The following TBC1D15 variants were observed in gnomAD, a reference collection of about 807,000 sequenced individuals.
TBC1D15 encodes TBC1 domain family member 15.
Under a neutral mutation model 95.4 loss-of-function variants are expected in TBC1D15, and 39 were observed. The ratio of observed to expected loss-of-function variants is 0.41; its 90% CI spans 0.32 to 0.53. TBC1D15 has a LOEUF of 0.53. Among genes scored for constraint, TBC1D15 ranks in the 20% least tolerant of loss-of-function variants. The pLI is 0.29. For synonymous variants in TBC1D15, 258 were observed against 261.3 expected, an observed-to-expected ratio of 0.99 and a Z score of 0.12; for missense variants, 733 against 794.3, an observed-to-expected ratio of 0.92 and a Z score of 0.93.
chr12:71,921,375 A>T lies in TBC1D15; in HGVS notation c.1724A>T (p.Asn575Ile), dbSNP rs768157566. Residue 575 changes from asparagine to isoleucine, a missense_variant, in exon 16 of 17, where the codon AAT (asparagine) becomes ATT (isoleucine). Asn to Ile is a moderately radical substitution (Grantham distance 149). Coordinates refer to ENST00000485960, the MANE Select transcript of TBC1D15 (RefSeq NM_001146213.3). ...TTTGTTGATACTTTTTAGCATATCAATGAATTGTCCATGAAAATTGATGTG... is the reference window on the plus strand; with the variant it reads ...TTTGTTGATACTTTTTAGCATATCATTGAATTGTCCATGAAAATTGATGTG... ...YGFNEILKHI[N>I]ELSMKIDVED... 6.4e-7 allele frequency: 1 copy of T among 1,557,626 alleles called. No homozygotes were observed. The highest frequency in any genetic ancestry group is 1.2e-5 in the South Asian group (1 of 80,702).
intron 12 of TBC1D15, among the ~76,000 whole-genome samples, chr12:71,917,256 A>C (rs1020507566): frequency 3.9e-5 from 6 of 152,216 alleles, no homozygotes; most frequent in South Asian, 2.1e-4. Context: ...GGCTTTACAG[A>C]TTCTCCAATG....
chr12:71,909,207 G>C (rs1311305016), intron 11 of TBC1D15, among the ~76,000 whole-genome samples: 1 of 152,156 alleles, frequency 6.6e-6, no homozygotes, highest in Non-Finnish European at 1.5e-5. Context: ...GCTTCCTGTG[G>C]ATAACTGGCC....
intron 12 of TBC1D15, among the ~76,000 whole-genome samples, chr12:71,914,222 A>G (rs1417357926): frequency 2.6e-5 from 4 of 152,020 alleles, no homozygotes; most frequent in Admixed American, 6.6e-5. Context: ...GATAAAATAG[A>G]TGAATTCAAT....
intron 14 of TBC1D15, 45 bp downstream of exon 14, chr12:71,918,593 A>C (rs1392391214): frequency 2.4e-6 from 3 of 1,261,836 alleles, no homozygotes; most frequent in Non-Finnish European, 3.4e-6. Context: ...TATTATGAAA[A>C]GAAACAATTT....
At chr12:71,876,201 T>C (rs968577195) in intron 3 of TBC1D15, among the ~76,000 whole-genome samples, 3 of 152,220 alleles carry the variant, frequency 2.0e-5, no homozygotes, top group Non-Finnish European at 4.4e-5. Flanking sequence ...TATCTCACTT[T>C]TCCACCAAAT....
rs1164312523 is a variant in TBC1D15 at position 71,923,905 on chromosome 12, C to T, written c.*701C>T. On this transcript the variant is annotated 3_prime_UTR_variant, in exon 17 of 17. Transcript: ENST00000485960. ...GAATAAACGACTTGATTTATATAAC[C>T]TGGTTTATCAAAATTTAACATGGCT... 1 of 152,390 alleles carries T rather than the reference C, an allele frequency of 6.6e-6. No individual in the cohort carries two copies. The highest frequency in any genetic ancestry group is 6.5e-5 in the Admixed American group (1 of 15,268). 9.4% of individuals were successfully genotyped at this position (152,390 alleles called of 1,614,324 possible). A position where few individuals can be genotyped will look rare whatever the true frequency, so the allele number is the denominator to read the frequency against.
chr12:71,914,753 A>G (rs1903275564), intron 12 of TBC1D15, among the ~76,000 whole-genome samples: 1 of 152,084 alleles, frequency 6.6e-6, no homozygotes, highest in South Asian at 2.1e-4. Flanking sequence ...GAATCTAACC[A>G]TCTGAAATAT....
In TBC1D15 at chr12:71,915,383, T is replaced by A. The variant is rs79049477; in HGVS notation, c.1401+1457T>A. ...GCCTGACATGAGGTTGTTCAACGGG[T>A]TTTTGTAGAATAAACATGTGAATCT... On this transcript the variant is annotated intron_variant, in intron 12 of 16. Transcript: ENST00000485960. Among the ~76,000 whole-genome samples the A allele has an allele frequency of 9.0e-4, 137 of 151,590 alleles. 1 individual carries two copies. The East Asian group carries it at 0.02, about 22-fold the overall frequency.
At position 71,923,161 on chromosome 12, in the gene TBC1D15, A is replaced by G; in HGVS notation, c.1982A>G (p.Gln661Arg). ...ASGARNDSPT[Q>R]IPVSSDVCRL... ...GGAGCCAGAAATGACAGCCCAACACAGATACCAGTGTCCTCAGATGTCTGC... is the reference window on the plus strand; with the variant it reads ...GGAGCCAGAAATGACAGCCCAACACGGATACCAGTGTCCTCAGATGTCTGC... Residue 661 changes from glutamine to arginine, a missense_variant, in exon 17 of 17, where the codon CAG becomes CGG. Coordinates refer to ENST00000485960, the MANE Select transcript of TBC1D15 (RefSeq NM_001146213.3). 1 of 1,614,222 alleles carries G rather than the reference A, an allele frequency of 6.2e-7. No individual in the cohort carries two copies. The highest frequency in any genetic ancestry group is 8.5e-7 in the Non-Finnish European group (1 of 1,180,036).
chr12:71,844,458 C>T (rs1281449648), intron 1 of TBC1D15, among the ~76,000 whole-genome samples: 4 of 152,214 alleles, frequency 2.6e-5, no homozygotes, highest in Non-Finnish European at 5.9e-5. Context: ...TCCTCTGCTT[C>T]CCTATACCCT....
intron 1 of TBC1D15, among the ~76,000 whole-genome samples, chr12:71,853,774 G>A (rs1167618500): frequency 2.0e-5 from 3 of 152,172 alleles, no homozygotes; most frequent in African/African-American, 4.8e-5. Context: ...TTGCTAAATG[G>A]TATCAGCACT....
At chr12:71,883,910 G>A (rs991536546) in intron 4 of TBC1D15, among the ~76,000 whole-genome samples, 4 of 151,992 alleles carry the variant, frequency 2.6e-5, no homozygotes, top group African/African-American at 9.7e-5. Flanking sequence ...AAATTGTTGA[G>A]GTTTAAGTTG....
Position 71,920,867 on chromosome 12 carries a change from A to C in TBC1D15, c.1716+20A>C. The C allele has an allele frequency of 2.6e-6, 4 of 1,560,482 alleles. No individual in the cohort carries two copies. Among genetic ancestry groups the C allele is most frequent in the Non-Finnish European group, 3.5e-6 (4 of 1,137,510 alleles). Reference sequence around the variant, plus strand: ...CTTAAGGTAGTTATTCCTTTAATTCAGATTTTAGTGTTCTGGCTTTTCTAT... The same window carrying C: ...CTTAAGGTAGTTATTCCTTTAATTCCGATTTTAGTGTTCTGGCTTTTCTAT... On this transcript the variant is annotated intron_variant, in intron 15 of 16. Transcript: ENST00000485960.
At position 71,896,686 on chromosome 12, in the gene TBC1D15, C is replaced by T. The variant is rs771122616; in HGVS notation, c.994C>T (p.His332Tyr). The T allele has an allele frequency of 6.2e-7, 1 of 1,612,042 alleles. No individual in the cohort carries two copies. Among genetic ancestry groups the T allele is most frequent in the Admixed American group, 1.7e-5 (1 of 59,868 alleles). ...KQMIFRGGLSHALRKQAWKFL... is the reference protein window; with the variant it reads ...KQMIFRGGLSYALRKQAWKFL... ...TGTATGCTTTCTTCAGGGACTTAGT[C>T]ATGCATTGAGAAAGCAAGCATGGAA... is the stretch of plus-strand genomic sequence containing the variant. Residue 332 changes from histidine to tyrosine, a missense_variant, in exon 9 of 17, where the codon CAT (histidine) becomes TAT (tyrosine). His to Tyr is a moderately conservative substitution (Grantham distance 83, BLOSUM62 2). Coordinates refer to ENST00000485960, the MANE Select transcript of TBC1D15 (RefSeq NM_001146213.3).
chr12:71,887,556 T>C lies in TBC1D15; in HGVS notation c.554+2535T>C, dbSNP rs187957943. ...AGTTCCTAAAACCCCCTAAACTCTTTCTTGTCTTAAGGTCCTTTATGCATA... is the reference window on the plus strand; with the variant it reads ...AGTTCCTAAAACCCCCTAAACTCTTCCTTGTCTTAAGGTCCTTTATGCATA... On this transcript the variant is annotated intron_variant, in intron 5 of 16. Coordinates refer to ENST00000485960, the MANE Select transcript of TBC1D15 (RefSeq NM_001146213.3). 1.2e-3 allele frequency among the ~76,000 whole-genome samples: 187 copies of C among 152,202 alleles called. 1 individual carries two copies. The highest frequency in any genetic ancestry group is 4.3e-3 in the African/African-American group (178 of 41,546).
chr12:71,874,482 G>C (rs1368661872), intron 3 of TBC1D15, among the ~76,000 whole-genome samples: 1 of 151,972 alleles, frequency 6.6e-6, no homozygotes, highest in Non-Finnish European at 1.5e-5. Context: ...GAAGTTTGTG[G>C]AATTTTTTTT....
chr12:71,869,555 C>T (rs1232532719), intron 1 of TBC1D15, among the ~76,000 whole-genome samples: 1 of 151,546 alleles, frequency 6.6e-6, no homozygotes, highest in Non-Finnish European at 1.5e-5. Flanking sequence ...AAACAAAACT[C>T]AAGTACAGAG....
Position 71,872,941 on chromosome 12 carries a change from A to G in TBC1D15, c.142A>G (p.Ile48Val), listed in dbSNP as rs1410559067. Reference sequence around the variant, plus strand: ...TTTCTTTCTCTAGGATGCCGAAGTAATAGTGGACTGGAGACCATTGGATGA... The same window carrying G: ...TTTCTTTCTCTAGGATGCCGAAGTAGTAGTGGACTGGAGACCATTGGATGA... ...LRVLEKDAEV[I>V]VDWRPLDDAL... Residue 48 changes from isoleucine (I) to valine (V), a missense_variant, in exon 3 of 17, where the codon ATA becomes GTA. Physicochemically the swap from Ile to Val is conservative, Grantham distance 29 (BLOSUM62 3). Coordinates refer to ENST00000485960, the MANE Select transcript of TBC1D15 (RefSeq NM_001146213.3). The G allele has an allele frequency of 8.1e-6, 13 of 1,607,058 alleles. No individual in the cohort carries two copies. The highest frequency in any genetic ancestry group is 1.1e-5 in the South Asian group (1 of 89,798).
At chr12:71,896,369 C>T in intron 8 of TBC1D15, 1 of 425,418 alleles carries the variant, frequency 2.4e-6, no homozygotes, top group East Asian at 3.9e-5. Flanking sequence ...TGAAGGAGGC[C>T]TGCATTCCAG....
Sources: allele counts gnomAD v4.1 joint callset (sites outside exome capture counted in the v4.1 genomes callset), GRCh38; gene constraint gnomAD v4.1.1; transcripts MANE v1.5; gene names NCBI Gene and HGNC (gene_info 2026-07-23, HGNC 2026-07-21).